Variants in PTPRA observed in about 807,000 individuals in gnomAD.
PTPRA encodes the protein protein tyrosine phosphatase receptor type A.
Under a neutral mutation model 104.8 loss-of-function variants are expected in PTPRA, and 25 were observed. The ratio of observed to expected loss-of-function variants is 0.24; its 90% CI spans 0.17 to 0.33. The LOEUF (loss-of-function observed/expected upper bound fraction) is 0.33. Ranked by LOEUF, PTPRA falls within the 10% of genes least tolerant of loss-of-function variation. The pLI, the probability that PTPRA is intolerant of heterozygous loss-of-function variation, is 1.00. For synonymous variants in PTPRA, 323 were observed against 368.9 expected (o/e 0.88, Z 1.43); for missense variants, 765 against 1,015.3 (o/e 0.75, Z 3.35).
At chr20:3,015,330 T>G (rs2064384175) in intron 11 of PTPRA, among the ~76,000 whole-genome samples, 1 of 145,664 alleles carries the variant, frequency 6.9e-6, no homozygotes, top group Non-Finnish European at 1.5e-5. Flanking sequence ...GGAGATGGAG[T>G]CTTGCTCTGT....
chr20:2,929,674 A>G (rs988344361), intron 2 of PTPRA, among the ~76,000 whole-genome samples: 1 of 151,994 alleles, frequency 6.6e-6, no homozygotes, highest in South Asian at 2.1e-4. Flanking sequence ...AAAATGCACA[A>G]ATTACCCAGG....
chr20:2,944,702 A>C (rs2061058908), intron 2 of PTPRA, among the ~76,000 whole-genome samples: 1 of 152,176 alleles, frequency 6.6e-6, no homozygotes, highest in South Asian at 2.1e-4. Flanking sequence ...CAAGGATGGG[A>C]TTTTACGTAG....
chr20:2,922,740 C>T (rs1734663396), intron 1 of PTPRA, among the ~76,000 whole-genome samples: 1 of 152,042 alleles, frequency 6.6e-6, no homozygotes, highest in South Asian at 2.1e-4. Flanking sequence ...CGGGTTCAAG[C>T]AATTCTACCT....
At chr20:3,017,318 CTGTT>C (rs1410264886) in intron 12 of PTPRA, among the ~76,000 whole-genome samples, 7 of 152,160 alleles carry the variant, frequency 4.6e-5, no homozygotes, top group Non-Finnish European at 7.3e-5. Flanking sequence ...TTATTTTCCT[CTGTT>C]TGCCTCTCAT....
At chr20:3,013,334 C>CA (rs2064271996) in intron 11 of PTPRA, among the ~76,000 whole-genome samples, 2 of 152,282 alleles carry the variant, frequency 1.3e-5, no homozygotes, top group African/African-American at 4.8e-5. Flanking sequence ...GAGGCAGTGG[C>CA]ACAGTTGGCA....
chr20:2,928,571 A>G (rs541597329), intron 2 of PTPRA, among the ~76,000 whole-genome samples: 27 of 152,114 alleles, frequency 1.8e-4, no homozygotes, highest in South Asian at 1.0e-3. Context: ...TAGGAAATTA[A>G]TTTTTCTTCT....
the PTPRA span, chr20:2,864,619 A>G: frequency 6.2e-7 from 1 of 1,614,156 alleles, no homozygotes; most frequent in South Asian, 1.1e-5. The surrounding 1 kb of genome is among the most constrained non-coding windows in gnomAD (Gnocchi z 5.2). Context: ...GGAATTGGGC[A>G]GCTTCCACAT....
At chr20:2,937,267 G>T (rs1489572064) in intron 2 of PTPRA, among the ~76,000 whole-genome samples, 1 of 151,890 alleles carries the variant, frequency 6.6e-6, no homozygotes, top group Non-Finnish European at 1.5e-5. Flanking sequence ...TGGGATTACA[G>T]GTGCATGCCA....
chr20:2,917,954 T>TG (rs2059964141), intron 1 of PTPRA, among the ~76,000 whole-genome samples: 1 of 151,528 alleles, frequency 6.6e-6, no homozygotes, highest in Non-Finnish European at 1.5e-5. Flanking sequence ...CTGGGCAGAG[T>TG]GGCAGGCGCC....
intron 1 of PTPRA, among the ~76,000 whole-genome samples, chr20:2,910,480 CTTT>C (rs34928941): frequency 6.0e-5 from 1 of 16,778 alleles, no homozygotes; most frequent in African/African-American, 3.6e-4. Context: ...TTTATATATA[CTTT>C]TTTTTTTTTT....
At chr20:2,869,811 C>CA (rs1257827064), upstream of PTPRA, among the ~76,000 whole-genome samples, 4 of 151,492 alleles carry the variant, frequency 2.6e-5, no homozygotes, top group East Asian at 2.0e-4. Flanking sequence ...AGTAAAAATA[C>CA]AAAAAAATTA....
At chr20:2,962,566 C>T (rs978152997) in intron 3 of PTPRA, among the ~76,000 whole-genome samples, 2 of 152,054 alleles carry the variant, frequency 1.3e-5, no homozygotes, top group African/African-American at 4.8e-5. Flanking sequence ...GTTGTTTGAC[C>T]CTTGTGAAGG....
chr20:2,901,631 A>G (rs2059240970), intron 1 of PTPRA, among the ~76,000 whole-genome samples: 1 of 152,142 alleles, frequency 6.6e-6, no homozygotes, highest in African/African-American at 2.4e-5. Flanking sequence ...ATTGTTACTT[A>G]TGTTATATAT....
chr20:2,934,454 G>GT (rs1308489771), intron 2 of PTPRA, among the ~76,000 whole-genome samples: 1 of 151,878 alleles, frequency 6.6e-6, no homozygotes, highest in Admixed American at 6.6e-5. Context: ...TTATAAATCT[G>GT]TATCTGTACC....
intron 22 of PTPRA, 111 bp downstream of exon 22, chr20:3,036,052 G>T: frequency 1.3e-6 from 2 of 1,543,116 alleles, no homozygotes; most frequent in Non-Finnish European, 1.7e-6. Context: ...CAAGATATTG[G>T]TGAGCACATA....
At position 2,964,977 on chromosome 20, in the gene PTPRA, A is replaced by T. The variant is rs1326533611; in HGVS notation, c.190A>T (p.Thr64Ser). ...SSLTSLSVAP[T>S]FSPNITLGPT... Reference sequence around the variant, plus strand: ...ACTAACTTCTCTTTCTGTGGCACCAACATTCAGCCCAAATATAACTCTGGG... The same window carrying T: ...ACTAACTTCTCTTTCTGTGGCACCATCATTCAGCCCAAATATAACTCTGGG... Residue 64 changes from threonine to serine, a missense_variant, in exon 5 of 24, where the codon ACA becomes TCA. By Grantham distance (58) the Thr-to-Ser change is moderately conservative. This residue lies in a region of PTPRA where 256 missense variants were observed against 248.9 expected (regional missense o/e 1.03). Coordinates refer to ENST00000399903, the MANE Select transcript of PTPRA (RefSeq NM_001385305.1). 6.2e-7 allele frequency: 1 copy of T among 1,614,078 alleles called. No individual in the cohort carries two copies. Among genetic ancestry groups the T allele is most frequent in the Admixed American group, 1.7e-5 (1 of 60,034 alleles).
rs760351629 is a variant in PTPRA at position 2,964,272 on chromosome 20, A to T, written c.-6A>T. On this transcript the variant is annotated splice_region_variant and 5_prime_UTR_variant, in exon 4 of 24. Transcript: ENST00000399903. ...TCTAACATGACTCCCTATTTTCCAG[A>T]TAAGCATGGATTCCTGGTTCATTCT... 1 of 1,607,754 alleles carries T rather than the reference A, an allele frequency of 6.2e-7. No individual in the cohort carries two copies. Among genetic ancestry groups the T allele is most frequent in the Non-Finnish European group, 8.5e-7 (1 of 1,176,470 alleles).
chr20:3,017,003 T>C (rs368186171), intron 12 of PTPRA, among the ~76,000 whole-genome samples: 9 of 152,210 alleles, frequency 5.9e-5, no homozygotes, highest in East Asian at 5.8e-4. Flanking sequence ...TTTACAAATA[T>C]TCACAGCCGA....
intron 20 of PTPRA, among the ~76,000 whole-genome samples, chr20:3,033,048 T>C (rs1324860937): frequency 1.3e-5 from 2 of 151,942 alleles, no homozygotes; most frequent in Non-Finnish European, 2.9e-5. Flanking sequence ...GACCTCCTCC[T>C]CTAAAACATT....
Sources: allele counts gnomAD v4.1 joint callset (sites outside exome capture counted in the v4.1 genomes callset), GRCh38; gene constraint gnomAD v4.1.1; regional missense constraint gnomAD v4.1.1; non-coding constraint Gnocchi (gnomAD v3.1); transcripts MANE v1.5; gene names NCBI Gene and HGNC (gene_info 2026-07-23, HGNC 2026-07-21).